Variants in ERAP1 observed in about 807,000 individuals in gnomAD.
The protein encoded by ERAP1 is endoplasmic reticulum aminopeptidase 1, also known as adipocyte-derived leucine aminopeptidase.
A neutral mutation model predicts 103.7 loss-of-function variants in ERAP1; 86 were observed. The observed-to-expected ratio is 0.83, with a 90% CI of 0.70 to 0.99. The LOEUF (loss-of-function observed/expected upper bound fraction) is 0.99, where lower values mean the gene tolerates loss of function less well. Ranked by LOEUF, ERAP1 falls within the 50% of genes least tolerant of loss-of-function variation. The probability of loss-of-function intolerance (pLI) is 0.00; values close to 1 mark genes in which losing one functional copy is unlikely to be tolerated. For synonymous variants in ERAP1, 398 were observed against 402.4 expected, an observed-to-expected ratio of 0.99 and a Z score of 0.13; for missense variants, 1,009 against 1,128.4, an observed-to-expected ratio of 0.89 and a Z score of 1.52.
the ERAP1 span, among the ~76,000 whole-genome samples, chr5:96,898,748 A>AAAAC: frequency 2.6e-4 from 40 of 152,154 alleles, no homozygotes; most frequent in Middle Eastern, 3.4e-3. Context: ...AAAACAAAAC[A>AAAAC]AAACAAACAA....
intron 3 of ERAP1, among the ~76,000 whole-genome samples, chr5:96,800,332 T>C (rs912524573): frequency 6.6e-6 from 1 of 152,236 alleles, no homozygotes; most frequent in African/African-American, 2.4e-5. Context: ...CTAAGCTATC[T>C]ATCATGACTT....
the ERAP1 span, chr5:96,909,880 G>A: frequency 1.2e-5 from 12 of 1,031,044 alleles, no homozygotes; most frequent in Non-Finnish European, 1.5e-5. Context: ...AAAACATGCT[G>A]GGCATTACAA....
At chr5:96,931,806 T>C in the ERAP1 span, among the ~76,000 whole-genome samples, 910 of 152,272 alleles carry the variant, frequency 6.0e-3, 15 homozygotes, top group African/African-American at 0.021. Context: ...GTCTGGGCTT[T>C]GGGGAATTGC....
chr5:96,791,968 G>A (rs1776776206), intron 8 of ERAP1, 93 bp downstream of exon 8: 1 of 1,417,564 alleles, frequency 7.1e-7, no homozygotes, highest in Admixed American at 1.7e-5. Context: ...ATTCAATCTG[G>A]GTTTAACCCC....
At chr5:96,848,402 T>G in the ERAP1 span, among the ~76,000 whole-genome samples, 2 of 152,160 alleles carry the variant, frequency 1.3e-5, no homozygotes, top group South Asian at 4.1e-4. Context: ...TTAGCTGGAC[T>G]TAAGAAAGAG....
At chr5:96,825,485 G>A in the ERAP1 span, among the ~76,000 whole-genome samples, 1 of 152,202 alleles carries the variant, frequency 6.6e-6, no homozygotes, top group Non-Finnish European at 1.5e-5. Flanking sequence ...TTCTATAAAT[G>A]TCAATTAGAT....
At position 96,792,145 on chromosome 5, in the gene ERAP1, A is replaced by G; in HGVS notation, c.1236T>C (p.Ala412=). 1.2e-6 allele frequency: 2 copies of G among 1,613,936 alleles called. No homozygotes were observed. The highest frequency in any genetic ancestry group is 1.7e-6 in the Non-Finnish European group (2 of 1,179,782). The change falls in exon 8 of 19, where the codon GCT becomes GCC. Residue 412 remains alanine (A), a synonymous_variant. Transcript: ENST00000443439. ...TAGACACAGGGTGTGAGGAATTTAA[A>G]GCATCTACCTCCATTGCGTCAAAAC... ...GKCFDAMEVD[A]LNSSHPVSTP... is the part of the protein sequence containing the mutation.
chr5:96,863,470 C>T, the ERAP1 span, among the ~76,000 whole-genome samples: 12 of 152,268 alleles, frequency 7.9e-5, no homozygotes, highest in Admixed American at 7.8e-4. Context: ...ATTTGTGTCT[C>T]CTGATCACCA....
At chr5:96,820,809 C>T in the ERAP1 span, among the ~76,000 whole-genome samples, 4 of 152,204 alleles carry the variant, frequency 2.6e-5, no homozygotes, top group Non-Finnish European at 5.9e-5. Flanking sequence ...AGATACCACT[C>T]TCATAGTAAT....
At chr5:96,899,996 T>G in the ERAP1 span, 1 of 1,156,358 alleles carries the variant, frequency 8.6e-7, no homozygotes, top group Non-Finnish European at 1.2e-6. Flanking sequence ...TTTATGTTCA[T>G]TATCATGTCT....
At chr5:96,900,190 G>A in the ERAP1 span, 2 of 1,613,750 alleles carry the variant, frequency 1.2e-6, no homozygotes, top group East Asian at 4.5e-5. Flanking sequence ...AAGTAACATG[G>A]TAAGGATAAA....
the ERAP1 span, chr5:96,880,214 G>T: frequency 6.2e-7 from 1 of 1,613,940 alleles, no homozygotes. Flanking sequence ...TGATGGCTTT[G>T]AAGGGTTTTA....
intron 3 of ERAP1, among the ~76,000 whole-genome samples, chr5:96,800,606 C>T (rs1250763410): frequency 1.3e-5 from 2 of 152,134 alleles, no homozygotes; most frequent in East Asian, 1.9e-4. Context: ...TTTCTTATAC[C>T]ACTTCCCTCC....
the ERAP1 span, among the ~76,000 whole-genome samples, chr5:96,851,490 G>C: frequency 2.0e-5 from 3 of 152,162 alleles, no homozygotes; most frequent in African/African-American, 4.8e-5. Flanking sequence ...ACTGTGTTTA[G>C]ACTGGACTGC....
chr5:96,878,384 G>A, the ERAP1 span, among the ~76,000 whole-genome samples: 1 of 129,174 alleles, frequency 7.7e-6, no homozygotes, highest in Non-Finnish European at 1.7e-5. Context: ...TGAAAGAGGT[G>A]AAGTTCAATG....
At chr5:96,885,889 G>A in the ERAP1 span, among the ~76,000 whole-genome samples, 3 of 152,214 alleles carry the variant, frequency 2.0e-5, no homozygotes, top group Admixed American at 6.5e-5. Context: ...TGCAGCTGAC[G>A]AGACTGCAGG....
the ERAP1 span, chr5:96,918,495 G>A: frequency 2.1e-4 from 32 of 152,342 alleles, no homozygotes; most frequent in African/African-American, 6.7e-4. Context: ...TTACATTCAT[G>A]AAGAACCTCA....
rs1778824491 is a variant in ERAP1 at position 96,807,823 on chromosome 5, C to T, written c.-18+37G>A. 3.0e-6 allele frequency: 3 copies of T among 985,144 alleles called. No homozygotes were observed. In the South Asian group the frequency reaches 1.4e-4, roughly 46 times the overall value. 61.0% of individuals were successfully genotyped at this position (985,144 alleles called of 1,614,324 possible). A position where few individuals can be genotyped will look rare whatever the true frequency, so the allele number is the denominator to read the frequency against. ...GGCGGGTGCCGCGCTCTCCTCCCGG[C>T]CCGCAGTCCCCTACCCGCGGCTCGA... is the stretch of plus-strand genomic sequence containing the variant. On this transcript the variant is annotated intron_variant, in intron 1 of 18. Coordinates refer to ENST00000443439, the MANE Select transcript of ERAP1 (RefSeq NM_001040458.3).
chr5:96,913,299 T>C, the ERAP1 span: 1 of 1,606,352 alleles, frequency 6.2e-7, no homozygotes, highest in Non-Finnish European at 8.5e-7. Context: ...TAGAAACAAA[T>C]TATTTTTCTT....
Sources: gnomAD v4.1 joint callset for allele counts (sites outside exome capture counted in the v4.1 genomes callset) on GRCh38, gnomAD v4.1.1 for gene constraint, MANE v1.5 for transcripts, NCBI Gene and HGNC (gene_info 2026-07-23, HGNC 2026-07-21) for gene names.